Variants in CSMD1 observed in about 807,000 individuals in gnomAD.
The protein encoded by CSMD1 is CUB and Sushi multiple domains 1, also known as CUB and sushi domain-containing protein 1.
A neutral mutation model predicts 417.5 loss-of-function variants in CSMD1; 213 were observed. The observed-to-expected ratio is 0.51, with a 90% CI of 0.46 to 0.57. CSMD1 has a LOEUF of 0.57. Among genes scored for constraint, CSMD1 ranks in the 20% least tolerant of loss-of-function variants. The pLI is 0.00. For missense variants in CSMD1, 6,923 were observed against 4,529.7 expected (o/e 1.53, Z -15.17); for synonymous variants, 2,862 against 1,736.8 (o/e 1.65, Z -16.11).
intron 68 of CSMD1, among the ~76,000 whole-genome samples, chr8:2,944,639 G>A (rs549803144): frequency 6.6e-6 from 1 of 152,036 alleles, no homozygotes; most frequent in South Asian, 2.1e-4. Context: ...TGACTCCTCA[G>A]AACCTGCAAT....
At chr8:3,980,583 C>G (rs1241972078) in intron 5 of CSMD1, among the ~76,000 whole-genome samples, 1 of 152,048 alleles carries the variant, frequency 6.6e-6, no homozygotes, top group African/African-American at 2.4e-5. Context: ...AAATAGTTTC[C>G]CCCCTTGTTA....
chr8:3,890,034 T>C (rs1297103534), intron 5 of CSMD1, among the ~76,000 whole-genome samples: 1 of 152,102 alleles, frequency 6.6e-6, no homozygotes, highest in African/African-American at 2.4e-5. Flanking sequence ...TAAACATTTT[T>C]TTAAAAAAGT....
intron 20 of CSMD1, among the ~76,000 whole-genome samples, chr8:3,360,775 T>C (rs2117718291): frequency 6.6e-6 from 1 of 152,314 alleles, no homozygotes; most frequent in South Asian, 2.1e-4. Context: ...TAACTCGGAA[T>C]TTTAGGTTCA....
chr8:3,429,860 C>T (rs1814106035), intron 12 of CSMD1, among the ~76,000 whole-genome samples: 1 of 152,142 alleles, frequency 6.6e-6, no homozygotes, highest in South Asian at 2.1e-4. Context: ...CAACAGCCAG[C>T]ACTACTGAGT....
chr8:4,156,265 G>A (rs1366241629), intron 3 of CSMD1, among the ~76,000 whole-genome samples: 1 of 152,074 alleles, frequency 6.6e-6, no homozygotes, highest in South Asian at 2.1e-4. Flanking sequence ...TTTTAATTAT[G>A]GCTAAAGAGT....
chr8:3,357,508 G>C (rs567106813), intron 21 of CSMD1, among the ~76,000 whole-genome samples: 8 of 152,298 alleles, frequency 5.3e-5, no homozygotes, highest in African/African-American at 1.9e-4. Flanking sequence ...TCTAGTTACT[G>C]AGTTTTCATA....
chr8:3,429,353 T>C (rs1205021399), intron 12 of CSMD1, among the ~76,000 whole-genome samples: 1 of 152,156 alleles, frequency 6.6e-6, no homozygotes, highest in African/African-American at 2.4e-5. Flanking sequence ...TGGGAAACAA[T>C]TTGGTAACTT....
chr8:3,017,079 T>A (rs1224507360), intron 52 of CSMD1, among the ~76,000 whole-genome samples: 1 of 152,206 alleles, frequency 6.6e-6, no homozygotes, highest in Non-Finnish European at 1.5e-5. Context: ...ACCAAAAGGA[T>A]GAGATTACGG....
In CSMD1 at chr8:4,994,358, C is replaced by T; in HGVS notation, c.59G>A (p.Cys20Tyr). 6.2e-7 allele frequency: 1 copy of T among 1,611,710 alleles called. No homozygotes were observed. Among genetic ancestry groups the T allele is most frequent in the South Asian group, 1.1e-5 (1 of 91,082 alleles). The change falls in exon 1 of 70, where the codon TGC (cysteine) becomes TAC (tyrosine). Residue 20 changes from cysteine to tyrosine, a missense_variant. Cys to Tyr is a radical substitution (Grantham distance 194, BLOSUM62 -2). Transcript: ENST00000635120. Reference protein sequence around the residue: ...LLLLLGLLVLCARLLTAAKGQ... With the variant: ...LLLLLGLLVLYARLLTAAKGQ... ...CTTCGCTGCAGTGAGGAGCCTCGCG[C>T]ACAGCACCAGCAGCCCGAGAAGCAG...
chr8:3,934,017 A>G (rs923994334), intron 5 of CSMD1, among the ~76,000 whole-genome samples: 4 of 151,780 alleles, frequency 2.6e-5, no homozygotes, highest in African/African-American at 9.7e-5. Flanking sequence ...TAAGGCCTGA[A>G]TCCACAATGA....
At chr8:4,815,397 C>A (rs922244280) in intron 1 of CSMD1, among the ~76,000 whole-genome samples, 2 of 151,940 alleles carry the variant, frequency 1.3e-5, no homozygotes, top group Non-Finnish European at 2.9e-5. Context: ...TACTGTACTG[C>A]AATATATTAA....
At chr8:3,918,989 A>G (rs1365593195) in intron 5 of CSMD1, among the ~76,000 whole-genome samples, 1 of 151,998 alleles carries the variant, frequency 6.6e-6, no homozygotes, top group African/African-American at 2.4e-5. Flanking sequence ...AAACTTATTC[A>G]TGTAACCAAA....
rs1215003775 is a variant in CSMD1 at position 3,387,672 on chromosome 8, A to G, written c.2604T>C (p.Leu868=). The G allele has an allele frequency of 3.1e-6, 5 of 1,595,204 alleles. No homozygotes were observed. The highest frequency in any genetic ancestry group is 4.3e-6 in the Non-Finnish European group (5 of 1,170,564). The change falls in exon 18 of 70, where the codon CTT becomes CTC. Residue 868 remains leucine, a synonymous_variant. Transcript: ENST00000635120. ...GFLIHYESVT[L]ESDSCLDPGI... ...CCGGGTCCAGGCAGGAATCCGACTC[A>G]AGCGTCACACCTGGATGCACAGAAC...
intron 3 of CSMD1, among the ~76,000 whole-genome samples, chr8:4,283,210 T>A (rs1434551323): frequency 6.6e-6 from 1 of 152,206 alleles, no homozygotes; most frequent in Admixed American, 6.5e-5. Context: ...TGAATATGAT[T>A]TTTCTAAATT....
intron 46 of CSMD1, among the ~76,000 whole-genome samples, chr8:3,101,558 G>T (rs1470561969): frequency 6.6e-6 from 1 of 151,866 alleles, no homozygotes; most frequent in African/African-American, 2.4e-5. Flanking sequence ...GAGTAGCTGG[G>T]ACTACAGGGG....
At chr8:3,629,920 G>C (rs2245017) in intron 7 of CSMD1, among the ~76,000 whole-genome samples, 2 of 152,024 alleles carry the variant, frequency 1.3e-5, no homozygotes, top group African/African-American at 4.8e-5. Context: ...AAATTTTCTT[G>C]TCACAGTGTT....
At chr8:3,902,883 A>C (rs539613449) in intron 5 of CSMD1, among the ~76,000 whole-genome samples, 2 of 152,034 alleles carry the variant, frequency 1.3e-5, no homozygotes, top group South Asian at 4.2e-4. Context: ...CCTTCCATCT[A>C]ACAGCCATTG....
intron 5 of CSMD1, among the ~76,000 whole-genome samples, chr8:3,788,894 G>A (rs1324576852): frequency 6.6e-6 from 1 of 152,158 alleles, no homozygotes; most frequent in African/African-American, 2.4e-5. Context: ...AGAAACACAG[G>A]CTCAGAGGAG....
intron 1 of CSMD1, among the ~76,000 whole-genome samples, chr8:4,729,772 A>T (rs941632745): frequency 2.0e-5 from 3 of 152,244 alleles, no homozygotes; most frequent in Non-Finnish European, 4.4e-5. Context: ...ACAACTTAAC[A>T]CATGGATCTA....
Sources: allele counts gnomAD v4.1 joint callset (sites outside exome capture counted in the v4.1 genomes callset), GRCh38; gene constraint gnomAD v4.1.1; transcripts MANE v1.5; gene names NCBI Gene and HGNC (gene_info 2026-07-23, HGNC 2026-07-21).